The following UBL3 variants were observed in gnomAD, a reference collection of about 807,000 sequenced individuals.
UBL3 encodes ubiquitin-like protein 3.
A neutral mutation model predicts 18.4 loss-of-function variants in UBL3; 6 were observed. That is an observed-to-expected ratio of 0.33 (90% CI 0.18 to 0.64). UBL3 has a LOEUF of 0.64. UBL3 is among the 30% of genes least tolerant of loss of function. The pLI is 0.76. For missense variants in UBL3, 109 were observed against 142.9 expected (o/e 0.76, Z 1.21); for synonymous variants, 49 against 46.6 (o/e 1.05, Z -0.21).
intron 1 of UBL3, among the ~76,000 whole-genome samples, chr13:29,835,143 T>A (rs59999859): frequency 0.017 from 205 of 12,324 alleles, no homozygotes; most frequent in Non-Finnish European, 0.023. Context: ...TATATATATA[T>A]ATATATATAT....
chr13:29,848,670 T>C (rs1193303651), intron 1 of UBL3, among the ~76,000 whole-genome samples: 2 of 152,162 alleles, frequency 1.3e-5, no homozygotes, highest in Non-Finnish European at 2.9e-5. Flanking sequence ...GACTGCAAAA[T>C]GTAACTTCAC....
At chr13:29,819,097 C>T (rs567690702) in intron 1 of UBL3, among the ~76,000 whole-genome samples, 1 of 152,270 alleles carries the variant, frequency 6.6e-6, no homozygotes, top group Admixed American at 6.5e-5. Flanking sequence ...TAAAACATTA[C>T]TGTCTATGAG....
At position 29,786,643 on chromosome 13, in the gene UBL3, CCTAA is replaced by C. The variant is rs1308454589; in HGVS notation, c.28-9384_28-9381del. On this transcript the variant is annotated intron_variant, in intron 1 of 4. Coordinates refer to ENST00000380680, the MANE Select transcript of UBL3 (RefSeq NM_007106.4). ...TTTTAACCTATAATACATCTGAATT[CCTAA>C]CTATGAATTTACTTGTATTCAGTAG... Among the ~76,000 whole-genome samples the C allele has an allele frequency of 5.3e-5, 8 of 152,152 alleles. No homozygotes were observed. The South Asian group carries it at 1.7e-3, about 31-fold the overall frequency.
At chr13:29,848,596 C>T (rs968851823) in intron 1 of UBL3, among the ~76,000 whole-genome samples, 1 of 152,174 alleles carries the variant, frequency 6.6e-6, no homozygotes, top group Non-Finnish European at 1.5e-5. Flanking sequence ...ACGTTAACTT[C>T]AATTCTTTCA....
intron 1 of UBL3, among the ~76,000 whole-genome samples, chr13:29,847,147 TAG>T (rs368555131): frequency 6.6e-6 from 1 of 152,216 alleles, no homozygotes. Context: ...TAGCAAATGA[TAG>T]ACTTCTTAAG....
chr13:29,827,590 G>T (rs1878656249), intron 1 of UBL3, among the ~76,000 whole-genome samples: 1 of 152,082 alleles, frequency 6.6e-6, no homozygotes, highest in Admixed American at 6.6e-5. Context: ...CATGAGATGG[G>T]TTTCCTGAAT....
intron 1 of UBL3, among the ~76,000 whole-genome samples, chr13:29,801,171 A>C (rs1319984072): frequency 6.6e-6 from 1 of 152,118 alleles, no homozygotes; most frequent in Non-Finnish European, 1.5e-5. Flanking sequence ...GCCTGATGGC[A>C]ACTCTGGCAT....
intron 1 of UBL3, among the ~76,000 whole-genome samples, chr13:29,813,921 A>G (rs769849445): frequency 4.5e-4 from 69 of 152,258 alleles, no homozygotes; most frequent in Non-Finnish European, 8.5e-4. Context: ...TTGAAATAAA[A>G]TTAAAATCCT....
At chr13:29,841,662 T>A (rs1315288349) in intron 1 of UBL3, among the ~76,000 whole-genome samples, 1 of 152,194 alleles carries the variant, frequency 6.6e-6, no homozygotes, top group Non-Finnish European at 1.5e-5. Flanking sequence ...CTTAGGATAA[T>A]GTGCCTGAGG....
intron 1 of UBL3, chr13:29,779,196 CA>C: frequency 2.0e-6 from 1 of 499,156 alleles, no homozygotes; most frequent in Non-Finnish European, 4.0e-6. Flanking sequence ...ATTCTTCAAG[CA>C]AGGAACCTAA....
At chr13:29,837,088 T>A (rs1455417910) in intron 1 of UBL3, among the ~76,000 whole-genome samples, 1 of 152,214 alleles carries the variant, frequency 6.6e-6, no homozygotes, top group Non-Finnish European at 1.5e-5. Context: ...AAGTAATCAA[T>A]GTTTTTCTAA....
At chr13:29,835,159 T>TATATAAAA (rs1878924234) in intron 1 of UBL3, among the ~76,000 whole-genome samples, 1 of 57,866 alleles carries the variant, frequency 1.7e-5, no homozygotes, top group Non-Finnish European at 2.9e-5. Flanking sequence ...TATATATATA[T>TATATAAAA]ATATATATAT....
rs117174289 is a variant in UBL3 at position 29,787,938 on chromosome 13, T to C, written c.28-10675A>G. On this transcript the variant is annotated intron_variant, in intron 1 of 4. Coordinates refer to ENST00000380680, the MANE Select transcript of UBL3 (RefSeq NM_007106.4). ...AGTATATATTCATGATGGAGTTTCA[T>C]GTATTTCAGGAAGATGACAATTCTA... Among the ~76,000 whole-genome samples the C allele has an allele frequency of 8.2e-3, 1,249 of 152,320 alleles. 12 individuals carry two copies. The highest frequency in any genetic ancestry group is 0.012 in the Non-Finnish European group (827 of 68,018).
intron 1 of UBL3, among the ~76,000 whole-genome samples, chr13:29,824,216 T>C (rs1380069815): frequency 2.0e-5 from 3 of 152,346 alleles, no homozygotes; most frequent in Admixed American, 1.3e-4. Flanking sequence ...CCTTTGGGTA[T>C]ATACCCAGTA....
At chr13:29,785,449 A>G (rs1315302423) in intron 1 of UBL3, among the ~76,000 whole-genome samples, 1 of 152,228 alleles carries the variant, frequency 6.6e-6, no homozygotes, top group Non-Finnish European at 1.5e-5. Flanking sequence ...AAAAAATAAC[A>G]TCATATTAAA....
intron 1 of UBL3, chr13:29,779,311 T>C: frequency 4.5e-6 from 2 of 447,764 alleles, no homozygotes; most frequent in Non-Finnish European, 8.8e-6. Context: ...TATGAACTTA[T>C]ACGGAATATT....
In UBL3 at chr13:29,834,506, A is replaced by C. The variant is rs1292870571; in HGVS notation, c.27+15006T>G. Among the ~76,000 whole-genome samples, 2 of 152,184 alleles carry C rather than the reference A, an allele frequency of 1.3e-5. 1 individual carries two copies. The highest frequency in any genetic ancestry group is 2.9e-5 in the Non-Finnish European group (2 of 68,030). On this transcript the variant is annotated intron_variant, in intron 1 of 4. Coordinates refer to ENST00000380680, the MANE Select transcript of UBL3 (RefSeq NM_007106.4). ...GCAAATCCACCACTTAAAGTACTTAAGTCCTATTAAAGACACCAAACTTCA... is the reference window on the plus strand; with the variant it reads ...GCAAATCCACCACTTAAAGTACTTACGTCCTATTAAAGACACCAAACTTCA...
At chr13:29,782,794 T>G (rs1429031266) in intron 1 of UBL3, among the ~76,000 whole-genome samples, 1 of 152,150 alleles carries the variant, frequency 6.6e-6, no homozygotes, top group Non-Finnish European at 1.5e-5. Flanking sequence ...TGTAAATACA[T>G]AAGTCTAAAA....
chr13:29,834,654 T>A (rs1326410304), intron 1 of UBL3, among the ~76,000 whole-genome samples: 2 of 152,298 alleles, frequency 1.3e-5, no homozygotes, highest in East Asian at 3.9e-4. Flanking sequence ...TTTAAAATGT[T>A]AAAAATTAAA....
Sources: allele counts gnomAD v4.1 joint callset (sites outside exome capture counted in the v4.1 genomes callset), GRCh38; gene constraint gnomAD v4.1.1; transcripts MANE v1.5; gene names NCBI Gene and HGNC (gene_info 2026-07-23, HGNC 2026-07-21).